ST8SIA2: variants seen among roughly 807,000 people sequenced by gnomAD.
ST8SIA2 encodes alpha-2,8-sialyltransferase 8B.
ST8SIA2 carries 22 observed loss-of-function variants against 37.6 expected under a neutral mutation model. That is an observed-to-expected ratio of 0.58 (90% CI 0.42 to 0.83). The LOEUF (loss-of-function observed/expected upper bound fraction) is 0.83. Among genes scored for constraint, ST8SIA2 ranks in the 40% least tolerant of loss-of-function variants. The pLI is 0.00. For synonymous variants in ST8SIA2, 205 were observed against 201.2 expected (o/e 1.02, Z -0.16); for missense variants, 382 against 484.7 (o/e 0.79, Z 1.99).
chr15:92,457,591 G>T (rs926979058), intron 5 of ST8SIA2, among the ~76,000 whole-genome samples: 1 of 152,188 alleles, frequency 6.6e-6, no homozygotes, highest in African/African-American at 2.4e-5. Flanking sequence ...TAATTAGTTT[G>T]TGTTTTAACA....
At chr15:92,443,181 GTCTTCAT>G in intron 4 of ST8SIA2, among the ~76,000 whole-genome samples, 1 of 152,194 alleles carries the variant, frequency 6.6e-6, no homozygotes, top group African/African-American at 2.4e-5. Flanking sequence ...GTGATCCCTT[GTCTTCAT>G]GTCTCCAGCC....
intron 1 of ST8SIA2, among the ~76,000 whole-genome samples, chr15:92,418,882 G>T (rs1021620208): frequency 2.0e-5 from 3 of 152,150 alleles, no homozygotes; most frequent in African/African-American, 7.2e-5. Context: ...GTGTTGTGAG[G>T]GGATGACGTA....
chr15:92,415,351 G>A (rs2049579027), intron 1 of ST8SIA2, among the ~76,000 whole-genome samples: 1 of 151,910 alleles, frequency 6.6e-6, no homozygotes, highest in Non-Finnish European at 1.5e-5. Context: ...AGGGCCTGCA[G>A]TCCTAATGTA....
At chr15:92,462,087 C>T (rs947614162) in intron 5 of ST8SIA2, among the ~76,000 whole-genome samples, 2 of 151,604 alleles carry the variant, frequency 1.3e-5, no homozygotes, top group East Asian at 1.9e-4. Context: ...ATGAAACAAC[C>T]GCGGTTGTCT....
chr15:92,430,984 G>C (rs1311924805), intron 2 of ST8SIA2, among the ~76,000 whole-genome samples: 1 of 152,074 alleles, frequency 6.6e-6, no homozygotes, highest in African/African-American at 2.4e-5. Context: ...AAGTACATCT[G>C]TCCCTGACCC....
intron 4 of ST8SIA2, among the ~76,000 whole-genome samples, 192 bp from the exon 5 acceptor site, chr15:92,444,444 G>A (rs531550205): frequency 2.0e-5 from 3 of 152,346 alleles, no homozygotes; most frequent in Non-Finnish European, 4.4e-5. Flanking sequence ...CACGATATGA[G>A]CTCAGTAAAC....
intron 5 of ST8SIA2, among the ~76,000 whole-genome samples, chr15:92,456,012 A>G (rs1355846708): frequency 6.6e-6 from 1 of 152,212 alleles, no homozygotes; most frequent in Non-Finnish European, 1.5e-5. Flanking sequence ...AATGAGATTG[A>G]ATATAATTTT....
intron 1 of ST8SIA2, among the ~76,000 whole-genome samples, chr15:92,423,856 G>A (rs1035525931): frequency 1.1e-4 from 16 of 152,172 alleles, no homozygotes; most frequent in African/African-American, 3.4e-4. Flanking sequence ...CATGTTATAC[G>A]TATTTTACCA....
intron 4 of ST8SIA2, among the ~76,000 whole-genome samples, chr15:92,439,261 C>G (rs2049783687): frequency 6.7e-6 from 1 of 149,562 alleles, no homozygotes. Flanking sequence ...ACTTTATTAC[C>G]CTGTTCTCAA....
chr15:92,463,415 G>A (rs2049970224), intron 5 of ST8SIA2, among the ~76,000 whole-genome samples: 1 of 152,206 alleles, frequency 6.6e-6, no homozygotes, highest in Non-Finnish European at 1.5e-5. Context: ...CCCTTGGTCA[G>A]AGATGGGTAT....
chr15:92,466,689 G>T lies in ST8SIA2; in HGVS notation c.*2304G>T, dbSNP rs1567228408. The T allele has an allele frequency of 1.3e-5, 2 of 151,550 alleles. No homozygotes were observed. The highest frequency in any genetic ancestry group is 2.9e-5 in the Non-Finnish European group (2 of 67,862). 9.4% of individuals were successfully genotyped at this position (151,550 alleles called of 1,614,324 possible). A position where few individuals can be genotyped will look rare whatever the true frequency, so the allele number is the denominator to read the frequency against. On this transcript the variant is annotated 3_prime_UTR_variant, in exon 6 of 6. Coordinates refer to ENST00000268164, the MANE Select transcript of ST8SIA2 (RefSeq NM_006011.4). ...AGGAGTCCTTCCACCCTGCCTTCAG[G>T]TTCTCTCTGGAGAAAGGTTAGAGAC...
chr15:92,396,193 T>C (rs1335678542), intron 1 of ST8SIA2, among the ~76,000 whole-genome samples: 3 of 152,226 alleles, frequency 2.0e-5, no homozygotes, highest in Admixed American at 2.0e-4. Flanking sequence ...CGTCCCAGGC[T>C]GACCACTGGC....
intron 4 of ST8SIA2, among the ~76,000 whole-genome samples, chr15:92,439,819 G>C (rs1369741681): frequency 6.6e-6 from 1 of 152,138 alleles, no homozygotes; most frequent in Non-Finnish European, 1.5e-5. Context: ...AGAAGGAAGA[G>C]TGGCTGGTCT....
At chr15:92,407,086 A>G (rs2049514027) in intron 1 of ST8SIA2, among the ~76,000 whole-genome samples, 1 of 152,094 alleles carries the variant, frequency 6.6e-6, no homozygotes, top group South Asian at 2.1e-4. Flanking sequence ...TCCTGAGTGT[A>G]TGCCAGGAGC....
Position 92,436,807 on chromosome 15 carries a change from T to A in ST8SIA2, c.291-1546T>A, listed in dbSNP as rs1446784035. Among the ~76,000 whole-genome samples the A allele has an allele frequency of 3.3e-5, 5 of 152,190 alleles. No homozygotes were observed. In the East Asian group the frequency reaches 7.7e-4, roughly 23 times the overall value. On this transcript the variant is annotated intron_variant, in intron 3 of 5. Transcript: ENST00000268164. ...GCAGGTCATCAATAAGGAAAGACAATGGATGAGACGCGCCGAGCTTACCAA... is the reference window on the plus strand; with the variant it reads ...GCAGGTCATCAATAAGGAAAGACAAAGGATGAGACGCGCCGAGCTTACCAA...
intron 2 of ST8SIA2, among the ~76,000 whole-genome samples, chr15:92,431,988 G>A (rs1005737733): frequency 1.3e-5 from 2 of 152,250 alleles, no homozygotes; most frequent in South Asian, 4.2e-4. Context: ...TCCAGGAGAA[G>A]TCTGGAAACC....
intron 1 of ST8SIA2, among the ~76,000 whole-genome samples, chr15:92,415,068 G>A (rs2049577287): frequency 6.6e-6 from 1 of 152,234 alleles, no homozygotes; most frequent in African/African-American, 2.4e-5. Flanking sequence ...AAGACACCTG[G>A]GGCTGTTACC....
chr15:92,451,643 T>C (rs887836106), intron 5 of ST8SIA2, among the ~76,000 whole-genome samples: 1 of 152,222 alleles, frequency 6.6e-6, no homozygotes, highest in Non-Finnish European at 1.5e-5. Flanking sequence ...CTGCTCTCGA[T>C]GGCTTGCCAC....
At chr15:92,429,648 G>A (rs537277731) in intron 1 of ST8SIA2, among the ~76,000 whole-genome samples, 2 of 152,360 alleles carry the variant, frequency 1.3e-5, no homozygotes, top group South Asian at 4.1e-4. Flanking sequence ...CTACATGTGA[G>A]TGAAAGCAAG....
Sources: allele counts gnomAD v4.1 joint callset (sites outside exome capture counted in the v4.1 genomes callset), GRCh38; gene constraint gnomAD v4.1.1; transcripts MANE v1.5; gene names NCBI Gene and HGNC (gene_info 2026-07-23, HGNC 2026-07-21).